Variants in KIAA0232 observed in about 807,000 individuals in gnomAD.
The protein encoded by KIAA0232 is uncharacterized protein KIAA0232.
A neutral mutation model predicts 122.0 loss-of-function variants in KIAA0232; 27 were observed. The observed-to-expected ratio is 0.22, with a 90% CI of 0.16 to 0.31. The LOEUF is 0.31. Among genes scored for constraint, KIAA0232 ranks in the 10% least tolerant of loss-of-function variants. The pLI is 1.00. For synonymous variants in KIAA0232, 613 were observed against 587.6 expected (o/e 1.04, Z -0.63); for missense variants, 1,551 against 1,634.2 (o/e 0.95, Z 0.88).
At chr4:6,839,067 A>C (rs965713424) in intron 3 of KIAA0232, among the ~76,000 whole-genome samples, 1 of 152,212 alleles carries the variant, frequency 6.6e-6, no homozygotes, top group Non-Finnish European at 1.5e-5. Flanking sequence ...CAGAGGTTGC[A>C]ATGAGCCAAG....
chr4:6,811,952 T>C (rs1468140454), intron 2 of KIAA0232, among the ~76,000 whole-genome samples: 1 of 152,122 alleles, frequency 6.6e-6, no homozygotes, highest in Non-Finnish European at 1.5e-5. Context: ...AGTCTGACTT[T>C]GTCATTGAAC....
At chr4:6,810,027 G>A (rs993906819) in intron 2 of KIAA0232, among the ~76,000 whole-genome samples, 1 of 152,088 alleles carries the variant, frequency 6.6e-6, no homozygotes, top group Non-Finnish European at 1.5e-5. Flanking sequence ...CAGATTCAAT[G>A]TAACCCCTAT....
At chr4:6,842,543 TTATAA>T (rs778695890) in intron 4 of KIAA0232, among the ~76,000 whole-genome samples, 416 of 152,106 alleles carry the variant, frequency 2.7e-3, no homozygotes, top group African/African-American at 8.8e-3. Flanking sequence ...CAGTATAATA[TTATAA>T]TATAATCTTT....
rs1007046823 is a variant in KIAA0232, at chr4:6,878,636, G to A, written c.4008+1879G>A. Among the ~76,000 whole-genome samples the A allele has an allele frequency of 2.0e-5, 3 of 152,114 alleles. No individual in the cohort carries two copies. In the East Asian group the frequency reaches 5.8e-4, roughly 29 times the overall value. ...CCATTCTGTATTCCCTTTGCCTTCA[G>A]CAAGCACCTCAGCAGGTTGTGGTTT... On this transcript the variant is annotated intron_variant, in intron 9 of 9. Coordinates refer to ENST00000307659, the MANE Select transcript of KIAA0232 (RefSeq NM_014743.3).
Position 6,882,437 on chromosome 4 carries a change from A to G in KIAA0232, c.*1471A>G, listed in dbSNP as rs1722122895. On this transcript the variant is annotated 3_prime_UTR_variant, in exon 10 of 10. Transcript: ENST00000307659. Reference sequence around the variant, plus strand: ...GCTGTGAAATCTATGATTTGCTTTGAACATTTGGGTTTTGTTGCCTTTTTC... The same window carrying G: ...GCTGTGAAATCTATGATTTGCTTTGGACATTTGGGTTTTGTTGCCTTTTTC... 1 of 151,908 alleles carries G rather than the reference A, an allele frequency of 6.6e-6. No homozygotes were observed. The highest frequency in any genetic ancestry group is 1.5e-5 in the Non-Finnish European group (1 of 67,982). The allele number at this position is 151,908 out of a possible 1,614,324, so 9.4% of individuals were successfully genotyped here. A position where few individuals can be genotyped will look rare whatever the true frequency, so the allele number is the denominator to read the frequency against.
At chr4:6,846,729 G>A (rs951535104) in intron 4 of KIAA0232, among the ~76,000 whole-genome samples, 11 of 152,120 alleles carry the variant, frequency 7.2e-5, no homozygotes, top group East Asian at 1.9e-4. Context: ...ATGAATGGTA[G>A]GCCATCTGTG....
chr4:6,855,852 A>C lies in KIAA0232; in HGVS notation c.370-1312A>C. On this transcript the variant is annotated intron_variant, in intron 4 of 9. Transcript: ENST00000307659. The surrounding 1 kb of genome is among the most constrained non-coding windows in gnomAD (Gnocchi z 4.3). Reference sequence around the variant, plus strand: ...CACTGGTGTTGGTTTCACGATCCGAAGGAAATGGAATATAATTGCCGTCCT... The same window carrying C: ...CACTGGTGTTGGTTTCACGATCCGACGGAAATGGAATATAATTGCCGTCCT... 1.0e-6 allele frequency: 1 copy of C among 985,426 alleles called. No homozygotes were observed. The highest frequency in any genetic ancestry group is 1.7e-5 in the African/African-American group (1 of 57,368). 61.0% of individuals were successfully genotyped at this position (985,426 alleles called of 1,614,324 possible). A position where few individuals can be genotyped will look rare whatever the true frequency, so the allele number is the denominator to read the frequency against.
At chr4:6,853,989 G>A (rs183630532) in intron 4 of KIAA0232, among the ~76,000 whole-genome samples, 120 of 152,284 alleles carry the variant, frequency 7.9e-4, no homozygotes, top group Non-Finnish European at 1.4e-3. Context: ...AGAACCTAGC[G>A]TTGGTCAGAG....
At chr4:6,816,593 A>C (rs1169276744) in intron 2 of KIAA0232, among the ~76,000 whole-genome samples, 2 of 152,016 alleles carry the variant, frequency 1.3e-5, no homozygotes, top group Non-Finnish European at 2.9e-5. Context: ...GTTTCTTGTA[A>C]TATCTTTATT....
intron 4 of KIAA0232, among the ~76,000 whole-genome samples, chr4:6,850,770 A>G (rs1720235474): frequency 6.6e-6 from 1 of 151,904 alleles, no homozygotes; most frequent in Non-Finnish European, 1.5e-5. Flanking sequence ...TCCTGGGTTC[A>G]AGCGATTCTC....
At chr4:6,873,736 A>G (rs1460661283) in intron 8 of KIAA0232, among the ~76,000 whole-genome samples, 2 of 152,196 alleles carry the variant, frequency 1.3e-5, no homozygotes, top group African/African-American at 4.8e-5. Flanking sequence ...GAAGTGGTAT[A>G]TAGAGAAACT....
chr4:6,814,015 T>C (rs1718000357), intron 2 of KIAA0232, among the ~76,000 whole-genome samples: 1 of 152,150 alleles, frequency 6.6e-6, no homozygotes, highest in South Asian at 2.1e-4. Context: ...ATAATTTTCA[T>C]TGGACCAAGG....
chr4:6,788,696 C>G (rs1431313365), intron 1 of KIAA0232, among the ~76,000 whole-genome samples: 1 of 152,196 alleles, frequency 6.6e-6, no homozygotes, highest in African/African-American at 2.4e-5. Context: ...ACTGAATTAA[C>G]TCAAAATTTA....
At chr4:6,812,999 G>A (rs937016090) in intron 2 of KIAA0232, among the ~76,000 whole-genome samples, 5 of 152,150 alleles carry the variant, frequency 3.3e-5, no homozygotes, top group African/African-American at 1.2e-4. Context: ...TTGGCCACAT[G>A]TCTGCTGTAC....
intron 3 of KIAA0232, among the ~76,000 whole-genome samples, chr4:6,837,672 G>A (rs919995322): frequency 6.6e-6 from 1 of 152,250 alleles, no homozygotes; most frequent in African/African-American, 2.4e-5. Context: ...GGCACCTCGG[G>A]AGGCCGAAGC....
chr4:6,825,521 C>G (rs1256843049), intron 3 of KIAA0232, among the ~76,000 whole-genome samples: 1 of 152,132 alleles, frequency 6.6e-6, no homozygotes, highest in Non-Finnish European at 1.5e-5. Flanking sequence ...CGCCATTGCA[C>G]TCCAGCCTTG....
intron 2 of KIAA0232, among the ~76,000 whole-genome samples, chr4:6,814,355 A>G (rs530291503): frequency 1.3e-4 from 19 of 151,976 alleles, no homozygotes; most frequent in Non-Finnish European, 1.9e-4. Flanking sequence ...ATTATTATAA[A>G]TGAAGATGAT....
chr4:6,878,576 C>G (rs1266977200), intron 9 of KIAA0232, among the ~76,000 whole-genome samples: 1 of 152,166 alleles, frequency 6.6e-6, no homozygotes, highest in Non-Finnish European at 1.5e-5. Context: ...GTCACATGGT[C>G]GTAGCTGGTA....
At position 6,881,145 on chromosome 4, in the gene KIAA0232, A is replaced by C; in HGVS notation, c.*179A>C. 1 of 463,504 alleles carries C rather than the reference A, an allele frequency of 2.2e-6. No individual in the cohort carries two copies. The highest frequency in any genetic ancestry group is 3.6e-6 in the Non-Finnish European group (1 of 278,782). 28.7% of individuals were successfully genotyped at this position (463,504 alleles called of 1,614,324 possible). ...TAGAGTTGAGGACAGCTATCCTGTT[A>C]AAGATTTTTTTTCCCAGCTGTTAAA... On this transcript the variant is annotated 3_prime_UTR_variant, in exon 10 of 10. Coordinates refer to ENST00000307659, the MANE Select transcript of KIAA0232 (RefSeq NM_014743.3).
Sources: allele counts gnomAD v4.1 joint callset (sites outside exome capture counted in the v4.1 genomes callset), GRCh38; gene constraint gnomAD v4.1.1; non-coding constraint Gnocchi (gnomAD v3.1); transcripts MANE v1.5; gene names NCBI Gene and HGNC (gene_info 2026-07-23, HGNC 2026-07-21).